Variants in DERL1 observed in about 807,000 individuals in gnomAD.
The protein encoded by DERL1 is derlin-1.
Under a neutral mutation model 41.6 loss-of-function variants are expected in DERL1, and 24 were observed. The ratio of observed to expected loss-of-function variants is 0.58; its 90% CI spans 0.42 to 0.81. The LOEUF is 0.81. Among genes scored for constraint, DERL1 ranks in the 30% least tolerant of loss-of-function variants. DERL1 has a pLI of 0.00. For missense variants in DERL1, 260 were observed against 314.3 expected (o/e 0.83, Z 1.31); for synonymous variants, 124 against 112.5 (o/e 1.10, Z -0.65).
chr8:123,021,458 G>A lies in DERL1; in HGVS notation c.495C>T (p.Ile165=). ...LPWVILGFNY[I]IGGSVINELI... Reference sequence around the variant, plus strand: ...CTAATATCACTTACGAGCCTCCGATGATATAGTTGAATCCAAGGATAACCC... The same window carrying A: ...CTAATATCACTTACGAGCCTCCGATAATATAGTTGAATCCAAGGATAACCC... The change falls in exon 6 of 8, where the codon ATC becomes ATT. Residue 165 remains isoleucine (I), a synonymous_variant. Transcript: ENST00000259512. The A allele has an allele frequency of 6.2e-7, 1 of 1,613,714 alleles. No homozygotes were observed.
At chr8:123,022,097 A>G (rs1216052049) in intron 5 of DERL1, among the ~76,000 whole-genome samples, 2 of 152,248 alleles carry the variant, frequency 1.3e-5, no homozygotes, top group African/African-American at 2.4e-5. Context: ...AGAGAGGGTT[A>G]TACTCAAATA....
intron 6 of DERL1, among the ~76,000 whole-genome samples, chr8:123,020,283 C>T (rs1217419107): frequency 1.3e-5 from 2 of 151,900 alleles, no homozygotes; most frequent in Non-Finnish European, 1.5e-5. Context: ...AGTTTGAGAC[C>T]AGCCTGGGCA....
chr8:123,018,010 T>C (rs1385470003), intron 7 of DERL1: 3 of 152,214 alleles, frequency 2.0e-5, no homozygotes, highest in African/African-American at 7.2e-5. Flanking sequence ...TATCTCTGTA[T>C]ATTACAGTTC....
intron 1 of DERL1, among the ~76,000 whole-genome samples, chr8:123,036,528 T>C (rs886105178): frequency 1.3e-5 from 2 of 152,236 alleles, no homozygotes; most frequent in Non-Finnish European, 2.9e-5. Context: ...GCTGGCTGTA[T>C]ACATGTTTTG....
chr8:123,036,160 A>T (rs1473023666), intron 1 of DERL1, among the ~76,000 whole-genome samples: 1 of 152,200 alleles, frequency 6.6e-6, no homozygotes, highest in Non-Finnish European at 1.5e-5. Flanking sequence ...CCTCACCAAG[A>T]AGTACATATG....
rs377395425 is a variant in DERL1, at chr8:123,015,559, C to A, written c.644G>T (p.Gly215Val). The change falls in exon 8 of 8, where the codon GGA (glycine) becomes GTA (valine). Residue 215 changes from glycine to valine, a missense_variant. Gly to Val is a moderately radical substitution (Grantham distance 109). Coordinates refer to ENST00000259512, the MANE Select transcript of DERL1 (RefSeq NM_024295.6). ...GGGCACACCAAATCCTGATACTCCT[C>A]CTCTCCTACTGGGCAGCCAGCGGTA... The part of the protein sequence containing the change: ...FLYRWLPSRR[G>V]GVSGFGVPPA... The A allele has an allele frequency of 9.3e-6, 15 of 1,611,426 alleles. No homozygotes were observed. Among genetic ancestry groups the A allele is most frequent in the Non-Finnish European group, 1.3e-5 (15 of 1,178,872 alleles).
intron 2 of DERL1, among the ~76,000 whole-genome samples, chr8:123,029,348 CTATG>C (rs1436496756): frequency 8.7e-4 from 133 of 152,284 alleles, no homozygotes; most frequent in African/African-American, 2.9e-3. Flanking sequence ...ATATAATAGT[CTATG>C]ACCTTACACT....
intron 4 of DERL1, 78 bp downstream of exon 4, chr8:123,023,635 T>A: frequency 1.4e-6 from 2 of 1,436,364 alleles, no homozygotes; most frequent in South Asian, 2.6e-5. Flanking sequence ...TAATGCAATT[T>A]CAACTTCTGA....
intron 1 of DERL1, among the ~76,000 whole-genome samples, chr8:123,041,580 C>T (rs1192831062): frequency 2.0e-5 from 3 of 152,244 alleles, no homozygotes; most frequent in African/African-American, 7.2e-5. Context: ...GTGAAGTTGA[C>T]ACCTACAGGC....
At chr8:123,034,387 G>A (rs975477330) in intron 1 of DERL1, among the ~76,000 whole-genome samples, 6 of 151,852 alleles carry the variant, frequency 4.0e-5, no homozygotes, top group Admixed American at 6.5e-5. Context: ...AACTGGAGAT[G>A]ACTTGAGAAG....
At chr8:123,029,824 C>T (rs549898720) in intron 2 of DERL1, among the ~76,000 whole-genome samples, 54 of 152,070 alleles carry the variant, frequency 3.6e-4, no homozygotes, top group African/African-American at 1.3e-3. Flanking sequence ...CTTTGGGAGG[C>T]TGAGGCAGAC....
intron 1 of DERL1, among the ~76,000 whole-genome samples, chr8:123,037,948 T>C (rs963267670): frequency 9.8e-5 from 15 of 152,310 alleles, no homozygotes; most frequent in Middle Eastern, 6.8e-3. Flanking sequence ...TAATCAACGA[T>C]TAATATGAAG....
At chr8:123,020,943 G>A (rs1390973018) in intron 6 of DERL1, among the ~76,000 whole-genome samples, 1 of 148,606 alleles carries the variant, frequency 6.7e-6, no homozygotes, top group African/African-American at 2.5e-5. Flanking sequence ...TCCAGCCTGG[G>A]CAACAAAAGT....
intron 1 of DERL1, among the ~76,000 whole-genome samples, chr8:123,035,257 T>C (rs992938352): frequency 6.6e-6 from 1 of 152,242 alleles, no homozygotes; most frequent in African/African-American, 2.4e-5. Context: ...TATACTTGCT[T>C]TCATTGATCT....
intron 6 of DERL1, 125 bp from the exon 7 acceptor site, chr8:123,019,430 T>G: frequency 3.0e-6 from 2 of 660,296 alleles, no homozygotes; most frequent in African/African-American, 3.7e-5. Context: ...CTGTGAGAGC[T>G]GACAATGAGC....
intron 2 of DERL1, among the ~76,000 whole-genome samples, chr8:123,026,060 C>T (rs1812681738): frequency 6.6e-6 from 1 of 152,026 alleles, no homozygotes; most frequent in Non-Finnish European, 1.5e-5. Context: ...CACACCCCCT[C>T]ACAGTTACAT....
intron 5 of DERL1, among the ~76,000 whole-genome samples, chr8:123,021,906 T>C (rs1483753599): frequency 6.6e-6 from 1 of 152,220 alleles, no homozygotes; most frequent in African/African-American, 2.4e-5. Context: ...TTTTAGGTTC[T>C]TCTTTTACAT....
intron 1 of DERL1, among the ~76,000 whole-genome samples, chr8:123,033,760 G>C (rs1344081114): frequency 6.6e-6 from 1 of 152,136 alleles, no homozygotes; most frequent in Non-Finnish European, 1.5e-5. Flanking sequence ...AAAGAAAATT[G>C]AGCTTCTTGG....
At chr8:123,036,719 C>A (rs16897904) in intron 1 of DERL1, among the ~76,000 whole-genome samples, 1 of 152,086 alleles carries the variant, frequency 6.6e-6, no homozygotes, top group Admixed American at 6.5e-5. Flanking sequence ...CGTACCAGAA[C>A]ACTTGCCACT....
Sources: allele counts gnomAD v4.1 joint callset (sites outside exome capture counted in the v4.1 genomes callset), GRCh38; gene constraint gnomAD v4.1.1; transcripts MANE v1.5; gene names NCBI Gene and HGNC (gene_info 2026-07-23, HGNC 2026-07-21).